DPP4: variants seen among roughly 807,000 people sequenced by gnomAD.
DPP4 encodes the protein dipeptidyl peptidase 4.
Under a neutral mutation model 122.4 loss-of-function variants are expected in DPP4, and 93 were observed. That is an observed-to-expected ratio of 0.76 (90% CI 0.64 to 0.90). DPP4 has a LOEUF of 0.90. DPP4 is among the 40% of genes least tolerant of loss of function. The pLI, the probability that DPP4 is intolerant of heterozygous loss-of-function variation, is 0.00. For synonymous variants in DPP4, 321 were observed against 302.9 expected (o/e 1.06, Z -0.62); for missense variants, 914 against 907.3 (o/e 1.01, Z -0.09).
intron 14 of DPP4, 78 bp downstream of exon 14, chr2:162,020,151 T>C (rs981583936): frequency 1.6e-6 from 2 of 1,250,056 alleles, no homozygotes; most frequent in Non-Finnish European, 2.3e-6. Context: ...TTGTAGGAGA[T>C]TTTTTCCCTA....
At chr2:162,035,756 T>C (rs1478947152) in intron 8 of DPP4, among the ~76,000 whole-genome samples, 1 of 152,054 alleles carries the variant, frequency 6.6e-6, no homozygotes, top group East Asian at 1.9e-4. Flanking sequence ...TGGTGGGTGG[T>C]GTGTAGCTCC....
intron 10 of DPP4, among the ~76,000 whole-genome samples, chr2:162,031,349 C>T (rs560962072): frequency 3.3e-5 from 5 of 152,326 alleles, no homozygotes; most frequent in African/African-American, 9.6e-5. Flanking sequence ...GAGAAGCAAT[C>T]TCCCATTTGC....
intron 2 of DPP4, among the ~76,000 whole-genome samples, chr2:162,060,642 A>G (rs1684732514): frequency 6.6e-6 from 1 of 152,154 alleles, no homozygotes; most frequent in Non-Finnish European, 1.5e-5. Flanking sequence ...TTCCTCCTTT[A>G]CAGCAAAAGC....
intron 2 of DPP4, among the ~76,000 whole-genome samples, chr2:162,068,154 A>C (rs767555370): frequency 6.6e-6 from 1 of 152,204 alleles, no homozygotes; most frequent in Non-Finnish European, 1.5e-5. Flanking sequence ...AAAGCTTGAG[A>C]TGTCAGTCAT....
At chr2:162,061,010 T>C (rs143001617) in intron 2 of DPP4, among the ~76,000 whole-genome samples, 49 of 56,286 alleles carry the variant, frequency 8.7e-4, no homozygotes, top group East Asian at 2.0e-3. Context: ...CCCTCCCTCC[T>C]TCCTTCCTTC....
At chr2:162,060,417 T>A (rs564260347) in intron 2 of DPP4, among the ~76,000 whole-genome samples, 5 of 152,166 alleles carry the variant, frequency 3.3e-5, no homozygotes, top group African/African-American at 1.2e-4. Flanking sequence ...AGTTTTACCA[T>A]CTCTATTCTC....
intron 24 of DPP4, 132 bp from the exon 25 acceptor site, chr2:161,995,166 C>A (rs1284104118): frequency 5.3e-6 from 7 of 1,310,264 alleles, no homozygotes; most frequent in Non-Finnish European, 6.6e-6. Flanking sequence ...TAGCCCAAGA[C>A]AAGTGACTTG....
intron 23 of DPP4, among the ~76,000 whole-genome samples, chr2:162,001,841 C>T (rs1280106505): frequency 2.6e-5 from 4 of 152,190 alleles, no homozygotes; most frequent in East Asian, 3.8e-4. Context: ...AGCTATACTA[C>T]CCTTTAGCTC....
chr2:162,044,935 C>G (rs899542190), intron 5 of DPP4, among the ~76,000 whole-genome samples: 50 of 151,602 alleles, frequency 3.3e-4, no homozygotes, highest in African/African-American at 9.9e-4. Flanking sequence ...GAAAGTTTAA[C>G]TCTTCCTTTT....
At chr2:162,059,160 T>C (rs1181376525) in intron 2 of DPP4, among the ~76,000 whole-genome samples, 2 of 151,834 alleles carry the variant, frequency 1.3e-5, no homozygotes, top group Non-Finnish European at 2.9e-5. Flanking sequence ...TTCCCTCTGC[T>C]ATCATGCAGA....
intron 2 of DPP4, among the ~76,000 whole-genome samples, chr2:162,060,223 T>C: frequency 6.6e-6 from 1 of 152,340 alleles, no homozygotes; most frequent in East Asian, 1.9e-4. Context: ...TTTAAATTCA[T>C]GGTTTGCAAC....
At chr2:162,044,459 TGA>T (rs1219177113) in intron 5 of DPP4, among the ~76,000 whole-genome samples, 1 of 151,664 alleles carries the variant, frequency 6.6e-6, no homozygotes, top group Non-Finnish European at 1.5e-5. Flanking sequence ...CGTTGGTGTG[TGA>T]GTGTTGGTGT....
At chr2:162,008,952 CT>C (rs1480371801) in intron 21 of DPP4, among the ~76,000 whole-genome samples, 2 of 152,084 alleles carry the variant, frequency 1.3e-5, no homozygotes, top group East Asian at 3.9e-4. Context: ...AACACGAAAT[CT>C]TTACTGACTG....
At chr2:162,012,280 T>C (rs1269457720) in intron 19 of DPP4, among the ~76,000 whole-genome samples, 1 of 152,038 alleles carries the variant, frequency 6.6e-6, no homozygotes, top group Non-Finnish European at 1.5e-5. Flanking sequence ...ATCAAAGAAA[T>C]AATTTCTCTA....
chr2:162,016,623 C>T (rs1682937125), intron 18 of DPP4, 145 bp downstream of exon 18: 2 of 531,074 alleles, frequency 3.8e-6, no homozygotes, highest in Non-Finnish European at 6.4e-6. Flanking sequence ...ATTAGTATTT[C>T]TTGTGACAAA....
At chr2:162,020,317 T>TTTTAAAAA in intron 13 of DPP4, 21 bp from the exon 14 acceptor site, 1 of 1,374,572 alleles carries the variant, frequency 7.3e-7, no homozygotes, top group Non-Finnish European at 9.8e-7. Flanking sequence ...TTTTTTTTTT[T>TTTTAAAAA]CAAAAAAAAA....
chr2:162,041,216 A>G (rs539924357), intron 5 of DPP4, among the ~76,000 whole-genome samples: 1 of 152,288 alleles, frequency 6.6e-6, no homozygotes, highest in Non-Finnish European at 1.5e-5. Context: ...TTATGTCTGA[A>G]TATAGATGCA....
intron 10 of DPP4, among the ~76,000 whole-genome samples, chr2:162,027,339 A>G (rs1026006165): frequency 1.2e-4 from 18 of 150,176 alleles, no homozygotes; most frequent in Admixed American, 3.3e-4. Context: ...TGAGAGTGAG[A>G]CTCGGTCTCA....
intron 2 of DPP4, among the ~76,000 whole-genome samples, chr2:162,057,285 C>A (rs1490462556): frequency 1.3e-5 from 2 of 152,210 alleles, no homozygotes; most frequent in Non-Finnish European, 2.9e-5. Context: ...TAGACCACCA[C>A]TAGCTACTGT....
Sources: gnomAD v4.1 joint callset for allele counts (sites outside exome capture counted in the v4.1 genomes callset) on GRCh38, gnomAD v4.1.1 for gene constraint, MANE v1.5 for transcripts, NCBI Gene and HGNC (gene_info 2026-07-23, HGNC 2026-07-21) for gene names.